OSCP1: variants seen among roughly 807,000 people sequenced by gnomAD.
The protein encoded by OSCP1 is protein OSCP1.
In OSCP1, 35 loss-of-function variants were observed where a neutral mutation model predicts 45.1. The observed-to-expected ratio is 0.78, with a 90% CI of 0.59 to 1.03. The LOEUF (loss-of-function observed/expected upper bound fraction) is 1.03. Among genes scored for constraint, OSCP1 ranks in the 50% least tolerant of loss-of-function variants. The pLI, the probability that OSCP1 is intolerant of heterozygous loss-of-function variation, is 0.00. For missense variants in OSCP1, 400 were observed against 470.7 expected, an observed-to-expected ratio of 0.85 and a Z score of 1.39; for synonymous variants, 179 against 180.1, an observed-to-expected ratio of 0.99 and a Z score of 0.05.
chr1:36,434,496 T>G (rs1416535639), intron 2 of OSCP1, among the ~76,000 whole-genome samples: 2 of 152,124 alleles, frequency 1.3e-5, no homozygotes, highest in Non-Finnish European at 2.9e-5. Flanking sequence ...ACGCCTGTTA[T>G]CCCAGCACTT....
rs377445734 is a variant in OSCP1 at position 36,450,405 on chromosome 1, G to C, written c.-36C>G. 6.4e-7 allele frequency: 1 copy of C among 1,573,208 alleles called. No individual in the cohort carries two copies. Among genetic ancestry groups the C allele is most frequent in the South Asian group, 1.1e-5 (1 of 90,092 alleles). On this transcript the variant is annotated 5_prime_UTR_variant, in exon 1 of 10. Transcript: ENST00000235532. Reference sequence around the variant, plus strand: ...ACGAGCTGGACTGGTGAAGAGCCCCGGGGTTCGGTAGCCAGTGGCCTGAAG... The same window carrying C: ...ACGAGCTGGACTGGTGAAGAGCCCCCGGGTTCGGTAGCCAGTGGCCTGAAG...
intron 4 of OSCP1, among the ~76,000 whole-genome samples, chr1:36,430,663 G>GTTTT (rs1648302850): frequency 6.6e-6 from 1 of 152,100 alleles, no homozygotes; most frequent in South Asian, 2.1e-4. Context: ...TTGTTTGTTT[G>GTTTT]TTTGTTTTTG....
chr1:36,442,163 T>C (rs1570545701), intron 1 of OSCP1, among the ~76,000 whole-genome samples: 1 of 149,844 alleles, frequency 6.7e-6, no homozygotes, highest in Admixed American at 6.7e-5. Context: ...GGAGCGGAGG[T>C]TGTAGTGAGC....
At chr1:36,420,281 T>C (rs1266703315) in intron 8 of OSCP1, 195 bp downstream of exon 8, 2 of 683,174 alleles carry the variant, frequency 2.9e-6, no homozygotes, top group Non-Finnish European at 4.5e-6. Flanking sequence ...CGGCCCCATC[T>C]CTTTTTTTGA....
Position 36,450,404 on chromosome 1 carries a change from CG to C in OSCP1, c.-36del. On this transcript the variant is annotated 5_prime_UTR_variant, in exon 1 of 10. Coordinates refer to ENST00000235532, the MANE Select transcript of OSCP1 (RefSeq NM_145047.5). ...AACGAGCTGGACTGGTGAAGAGCCC[CG>C]GGGTTCGGTAGCCAGTGGCCTGAAG... 6.3e-7 allele frequency: 1 copy of C among 1,577,618 alleles called. No homozygotes were observed. Among genetic ancestry groups the C allele is most frequent in the African/African-American group, 1.3e-5 (1 of 74,220 alleles).
intron 1 of OSCP1, chr1:36,440,726 T>G (rs928300507): frequency 6.6e-6 from 1 of 152,122 alleles, no homozygotes; most frequent in African/African-American, 2.4e-5. Flanking sequence ...ATAGCCTACA[T>G]AAAATGTAGC....
chr1:36,421,930 C>G, intron 7 of OSCP1: 1 of 581,538 alleles, frequency 1.7e-6, no homozygotes, highest in Non-Finnish European at 3.1e-6. Flanking sequence ...TTATGGTGGC[C>G]GAGCCAAGCC....
intron 2 of OSCP1, among the ~76,000 whole-genome samples, chr1:36,433,060 A>T (rs1648480125): frequency 6.6e-6 from 1 of 152,270 alleles, no homozygotes; most frequent in African/African-American, 2.4e-5. Context: ...TGCTGAGAGC[A>T]ATAAATGAGG....
intron 4 of OSCP1, among the ~76,000 whole-genome samples, chr1:36,429,535 A>ATTTTTTTTTTTTTG (rs1648212105): frequency 1.0e-5 from 1 of 100,286 alleles, no homozygotes; most frequent in African/African-American, 4.2e-5. Flanking sequence ...GAAGCTTAGA[A>ATTTTTTTTTTTTTG]TTTTTTTTTT....
chr1:36,440,800 G>T (rs1649082493), intron 1 of OSCP1: 1 of 152,220 alleles, frequency 6.6e-6, no homozygotes, highest in Non-Finnish European at 1.5e-5. Context: ...AGAATATGAA[G>T]AATTTTCCAC....
chr1:36,429,528 G>A (rs1648208726), intron 4 of OSCP1, among the ~76,000 whole-genome samples: 1 of 111,056 alleles, frequency 9.0e-6, no homozygotes, highest in African/African-American at 3.7e-5. Context: ...AAATTCAGAA[G>A]CTTAGAATTT....
chr1:36,438,689 A>T, intron 2 of OSCP1, 67 bp downstream of exon 2: 1 of 1,521,682 alleles, frequency 6.6e-7, no homozygotes, highest in East Asian at 2.3e-5. Flanking sequence ...ATGTGACCCC[A>T]GTCTATGATC....
At chr1:36,439,009 A>C in intron 1 of OSCP1, 99 bp from the exon 2 acceptor site, 1 of 1,343,630 alleles carries the variant, frequency 7.4e-7, no homozygotes, top group Middle Eastern at 1.9e-4. Flanking sequence ...CGTGTACAGT[A>C]CAGAATTGGG....
intron 4 of OSCP1, among the ~76,000 whole-genome samples, chr1:36,427,826 T>C (rs1648074575): frequency 6.6e-6 from 1 of 152,214 alleles, no homozygotes; most frequent in Non-Finnish European, 1.5e-5. Context: ...TTTTAATCAA[T>C]GACAGAGATC....
intron 2 of OSCP1, 126 bp from the exon 3 acceptor site, chr1:36,432,715 AC>A: frequency 9.4e-7 from 1 of 1,063,110 alleles, no homozygotes; most frequent in Non-Finnish European, 1.4e-6. Flanking sequence ...AGCTCGGGGG[AC>A]CATATCACTT....
chr1:36,418,964 G>C, intron 9 of OSCP1, 27 bp downstream of exon 9: 1 of 1,528,470 alleles, frequency 6.5e-7, no homozygotes, highest in Non-Finnish European at 9.0e-7. Context: ...GAATACGATT[G>C]GACCCTGTGT....
At chr1:36,437,412 C>T (rs751901060) in intron 2 of OSCP1, among the ~76,000 whole-genome samples, 18 of 152,252 alleles carry the variant, frequency 1.2e-4, no homozygotes, top group South Asian at 8.3e-4. Context: ...TGTTTTTGAA[C>T]TTGCTCTAAA....
chr1:36,426,336 C>A (rs996972294), intron 4 of OSCP1, among the ~76,000 whole-genome samples: 14 of 152,148 alleles, frequency 9.2e-5, no homozygotes, highest in Non-Finnish European at 1.8e-4. Flanking sequence ...CTCAGCCCCT[C>A]TGCTGGCCTT....
chr1:36,450,170 T>G (rs1056050777), intron 1 of OSCP1, 88 bp downstream of exon 1: 1 of 1,025,982 alleles, frequency 9.7e-7, no homozygotes, highest in East Asian at 2.4e-5. Flanking sequence ...TGTGTAGGGG[T>G]GCGGGTCTGG....
Sources: allele counts gnomAD v4.1 joint callset (sites outside exome capture counted in the v4.1 genomes callset), GRCh38; gene constraint gnomAD v4.1.1; transcripts MANE v1.5; gene names NCBI Gene and HGNC (gene_info 2026-07-23, HGNC 2026-07-21).